Variants in LIFR observed in about 807,000 individuals in gnomAD.
LIFR encodes the protein LIF receptor subunit alpha, also known as leukemia inhibitory factor receptor.
Under a neutral mutation model 122.2 loss-of-function variants are expected in LIFR, and 84 were observed. That is an observed-to-expected ratio of 0.69 (90% CI 0.58 to 0.82). The LOEUF is 0.82. LIFR is among the 40% of genes least tolerant of loss of function. The pLI is 0.00. For synonymous variants in LIFR, 422 were observed against 434.7 expected (o/e 0.97, Z 0.36); for missense variants, 1,294 against 1,311.6 (o/e 0.99, Z 0.21).
At chr5:38,506,851 A>C (rs1417565841) in intron 7 of LIFR, among the ~76,000 whole-genome samples, 3 of 152,074 alleles carry the variant, frequency 2.0e-5, no homozygotes, top group Admixed American at 6.6e-5. Flanking sequence ...CTGAAAAATG[A>C]CTCTTAGCTC....
chr5:38,487,978 C>T (rs1744381024), intron 16 of LIFR, among the ~76,000 whole-genome samples: 2 of 152,200 alleles, frequency 1.3e-5, no homozygotes, highest in African/African-American at 4.8e-5. Context: ...TCTGAATCTT[C>T]TTTTTCAGTG....
intron 2 of LIFR, among the ~76,000 whole-genome samples, chr5:38,603,615 C>T (rs1375134979): frequency 6.6e-6 from 1 of 152,046 alleles, no homozygotes; most frequent in African/African-American, 2.4e-5. Flanking sequence ...TGTGGGAAAA[C>T]AGAGAAGGGG....
intron 5 of LIFR, among the ~76,000 whole-genome samples, chr5:38,521,788 G>T (rs1038930394): frequency 6.6e-6 from 1 of 152,156 alleles, no homozygotes; most frequent in African/African-American, 2.4e-5. Flanking sequence ...AGGCCCGCAG[G>T]TAGCATGTGC....
At chr5:38,550,696 G>C (rs1748153791) in intron 1 of LIFR, among the ~76,000 whole-genome samples, 1 of 152,184 alleles carries the variant, frequency 6.6e-6, no homozygotes, top group South Asian at 2.1e-4. Context: ...TCTAATGCTA[G>C]GGACACGGTG....
At chr5:38,531,420 C>T (rs936275232) in intron 1 of LIFR, among the ~76,000 whole-genome samples, 9 of 151,312 alleles carry the variant, frequency 5.9e-5, no homozygotes, top group African/African-American at 2.2e-4. Flanking sequence ...TTTAGGATAA[C>T]CAAAAGGAAA....
At chr5:38,552,375 T>C (rs905766731) in intron 1 of LIFR, among the ~76,000 whole-genome samples, 3 of 152,160 alleles carry the variant, frequency 2.0e-5, no homozygotes, top group African/African-American at 7.2e-5. Context: ...AGATTAGAAG[T>C]TGGGAAAAGG....
At chr5:38,519,956 A>G (rs981768329) in intron 5 of LIFR, among the ~76,000 whole-genome samples, 11 of 152,090 alleles carry the variant, frequency 7.2e-5, no homozygotes, top group African/African-American at 2.4e-4. Flanking sequence ...CCTTTAATAC[A>G]CTGATTTATT....
chr5:38,584,899 T>C (rs1338313225), intron 1 of LIFR, among the ~76,000 whole-genome samples: 2 of 152,194 alleles, frequency 1.3e-5, no homozygotes, highest in South Asian at 2.1e-4. Context: ...TGTGAGAGGA[T>C]AGATGCGTGA....
intron 12 of LIFR, 75 bp from the exon 13 acceptor site, chr5:38,496,670 C>A: frequency 9.4e-7 from 1 of 1,065,800 alleles, no homozygotes; most frequent in East Asian, 2.4e-5. Flanking sequence ...TGGGTTTAAA[C>A]TGGACACTAT....
At chr5:38,562,169 C>T (rs1417354964) in intron 1 of LIFR, among the ~76,000 whole-genome samples, 1 of 152,146 alleles carries the variant, frequency 6.6e-6, no homozygotes, top group African/African-American at 2.4e-5. Flanking sequence ...ATGGTTGGTC[C>T]CAATTAACTT....
chr5:38,562,053 C>T (rs191681792), intron 1 of LIFR, among the ~76,000 whole-genome samples: 4 of 152,122 alleles, frequency 2.6e-5, no homozygotes, highest in African/African-American at 9.7e-5. Flanking sequence ...GTGGGAGCAC[C>T]GCAAATGTGA....
At position 38,510,671 on chromosome 5, in the gene LIFR, G is replaced by C. The variant is rs753462824; in HGVS notation, c.784C>G (p.Leu262Val). 33 of 1,613,602 alleles carry C rather than the reference G, an allele frequency of 2.0e-5. No homozygotes were observed. Among genetic ancestry groups the C allele is most frequent in the Non-Finnish European group, 2.6e-5 (31 of 1,179,598 alleles). The change falls in exon 7 of 20, where the codon CTT (leucine) becomes GTT (valine). Residue 262 changes from leucine to valine, a missense_variant. Leu to Val is a conservative substitution (Grantham distance 32, BLOSUM62 1). Coordinates refer to ENST00000453190, the MANE Select transcript of LIFR (RefSeq NM_001127671.2). ...TKVFPQDKVI[L>V]VGSDITFCCV... ...CAAAATGTTATGTCTGAGCCTACAA[G>C]TATCACTTTATCTTGAGGAAAAACC...
At chr5:38,488,439 T>C (rs1485537835) in intron 16 of LIFR, among the ~76,000 whole-genome samples, 4 of 152,218 alleles carry the variant, frequency 2.6e-5, no homozygotes, top group African/African-American at 9.6e-5. Context: ...TATGCTTGTG[T>C]TATGCAGCTA....
intron 1 of LIFR, chr5:38,608,012 G>C (rs1750366864): frequency 6.6e-6 from 1 of 152,074 alleles, no homozygotes; most frequent in Non-Finnish European, 1.5e-5. Context: ...AATGATCTAG[G>C]CACTTACAAA....
At chr5:38,522,616 C>G (rs960546794) in intron 5 of LIFR, among the ~76,000 whole-genome samples, 2 of 152,094 alleles carry the variant, frequency 1.3e-5, no homozygotes, top group African/African-American at 2.4e-5. Context: ...TGTATGTGGC[C>G]TAGAAGCAAT....
At chr5:38,506,392 G>T in intron 8 of LIFR, 111 bp downstream of exon 8, 1 of 1,314,236 alleles carries the variant, frequency 7.6e-7, no homozygotes, top group Non-Finnish European at 1.1e-6. Flanking sequence ...AGCATATTTG[G>T]TTTTATATCT....
At position 38,504,027 on chromosome 5, in the gene LIFR, A is replaced by C; in HGVS notation, c.1386T>G (p.Ile462Met). ...SWHLPGNFAK[I>M]NFLCEIEIKK... Reference sequence around the variant, plus strand: ...TAATTTCAATTTCACATAAAAAATTAATCTTTGCAAAGTTGCCTGGTAAAT... The same window carrying C: ...TAATTTCAATTTCACATAAAAAATTCATCTTTGCAAAGTTGCCTGGTAAAT... Residue 462 changes from isoleucine (I) to methionine (M), a missense_variant, in exon 10 of 20, where the codon ATT becomes ATG. By Grantham distance (10) the Ile-to-Met change is conservative. Coordinates refer to ENST00000453190, the MANE Select transcript of LIFR (RefSeq NM_001127671.2). 1.3e-6 allele frequency: 2 copies of C among 1,589,836 alleles called. No homozygotes were observed. The highest frequency in any genetic ancestry group is 1.7e-6 in the Non-Finnish European group (2 of 1,158,134).
At chr5:38,499,238 G>A (rs1173926752) in intron 12 of LIFR, among the ~76,000 whole-genome samples, 1 of 152,152 alleles carries the variant, frequency 6.6e-6, no homozygotes, top group Non-Finnish European at 1.5e-5. Flanking sequence ...ACTGAAGTGA[G>A]GGAGATGGAA....
intron 1 of LIFR, among the ~76,000 whole-genome samples, chr5:38,564,898 C>T (rs1041108565): frequency 1.3e-5 from 2 of 151,860 alleles, no homozygotes; most frequent in East Asian, 1.9e-4. Flanking sequence ...CTCAGCCTGC[C>T]GAGTAGCTGG....
Sources: gnomAD v4.1 joint callset for allele counts (sites outside exome capture counted in the v4.1 genomes callset) on GRCh38, gnomAD v4.1.1 for gene constraint, MANE v1.5 for transcripts, NCBI Gene and HGNC (gene_info 2026-07-23, HGNC 2026-07-21) for gene names.